The following GTF3C4 variants were observed in gnomAD, a reference collection of about 807,000 sequenced individuals.
GTF3C4 encodes the protein general transcription factor 3C polypeptide 4.
A neutral mutation model predicts 67.5 loss-of-function variants in GTF3C4; 28 were observed. The observed-to-expected ratio is 0.41, with a 90% CI of 0.31 to 0.57. GTF3C4 has a LOEUF of 0.57. GTF3C4 is among the 20% of genes least tolerant of loss of function. The pLI, the probability that GTF3C4 is intolerant of heterozygous loss-of-function variation, is 0.21. For synonymous variants in GTF3C4, 409 were observed against 393.0 expected, an observed-to-expected ratio of 1.04 and a Z score of -0.48; for missense variants, 831 against 1,033.2, an observed-to-expected ratio of 0.80 and a Z score of 2.68.
chr9:132,680,369 C>T lies in GTF3C4; in HGVS notation c.2184+566C>T, dbSNP rs141884936. On this transcript the variant is annotated intron_variant, in intron 2 of 4. Transcript: ENST00000372146. The stretch of plus-strand genomic sequence containing the variant: ...AGAATTTAAGTTGCTTAACAGAGCA[C>T]TAGGGTTCCCAGTGCATATTACCAC... Among the ~76,000 whole-genome samples, 60 of 152,292 alleles carry T rather than the reference C, an allele frequency of 3.9e-4. 1 individual carries two copies. The East Asian group carries it at 0.012, about 29-fold the overall frequency.
Position 132,670,732 on chromosome 9 carries a change from C to G in GTF3C4, c.134C>G (p.Ala45Gly). The change falls in exon 1 of 5, where the codon GCT (alanine) becomes GGT (glycine). Residue 45 changes from alanine (A) to glycine (G), a missense_variant. Around this residue, in one of 4 missense-constraint regions of GTF3C4, gnomAD observed 237 missense variants for 212.7 expected, o/e 1.11. Transcript: ENST00000372146. ...GCGGACGCGGCCCCGGGGCCCAGCG[C>G]TGCATTCCGCCTCATGGTGACTCGG... ...PAADAAPGPSAAFRLMVTRRE... is the reference protein window; with the variant it reads ...PAADAAPGPSGAFRLMVTRRE... 1 of 1,541,516 alleles carries G rather than the reference C, an allele frequency of 6.5e-7. No homozygotes were observed. The highest frequency in any genetic ancestry group is 8.7e-7 in the Non-Finnish European group (1 of 1,150,590).
At chr9:132,673,735 G>T (rs1401942668) in intron 1 of GTF3C4, among the ~76,000 whole-genome samples, 1 of 152,178 alleles carries the variant, frequency 6.6e-6, no homozygotes, top group Non-Finnish European at 1.5e-5. Flanking sequence ...CACCTTTGAA[G>T]CTTTTGCTCT....
chr9:132,670,489 G>A lies in GTF3C4; in HGVS notation c.-110G>A. 9.5e-7 allele frequency: 1 copy of A among 1,050,296 alleles called. No homozygotes were observed. The highest frequency in any genetic ancestry group is 1.3e-6 in the Non-Finnish European group (1 of 778,976). The allele number at this position is 1,050,296 out of a possible 1,614,324, so 65.1% of individuals were successfully genotyped here. A position where few individuals can be genotyped will look rare whatever the true frequency, so the allele number is the denominator to read the frequency against. On this transcript the variant is annotated 5_prime_UTR_variant, in exon 1 of 5. Coordinates refer to ENST00000372146, the MANE Select transcript of GTF3C4 (RefSeq NM_012204.4). Reference sequence around the variant, plus strand: ...CTTGGCTCGGCGGCGCTCGGGGCCTGAGGGGAGAAAACCGCCGCGGAGGGC... The same window carrying A: ...CTTGGCTCGGCGGCGCTCGGGGCCTAAGGGGAGAAAACCGCCGCGGAGGGC...
chr9:132,680,005 T>C (rs1438078738), intron 2 of GTF3C4, among the ~76,000 whole-genome samples: 1 of 152,224 alleles, frequency 6.6e-6, no homozygotes, highest in Non-Finnish European at 1.5e-5. Flanking sequence ...ATATTTTGAT[T>C]CTTCTTCACA....
intron 1 of GTF3C4, among the ~76,000 whole-genome samples, chr9:132,674,087 C>A (rs1835830684): frequency 6.6e-6 from 1 of 152,196 alleles, no homozygotes. Context: ...ACTCTATTAC[C>A]TGTCCTCAAG....
upstream of GTF3C4, chr9:132,670,130 GC>G (rs2130886042): frequency 6.3e-7 from 1 of 1,584,422 alleles, no homozygotes; most frequent in Non-Finnish European, 8.6e-7. Context: ...TACCGCGCGT[GC>G]CCCCGCCTGG....
intron 2 of GTF3C4, among the ~76,000 whole-genome samples, chr9:132,680,489 G>GT (rs1835924340): frequency 6.6e-6 from 1 of 152,318 alleles, no homozygotes; most frequent in East Asian, 1.9e-4. Flanking sequence ...CTTTCTTGCA[G>GT]CTAACAGTTG....
rs1047258220 is a variant in GTF3C4 at position 132,694,918 on chromosome 9, CTT to C, written c.*5978_*5979del. 1 of 152,280 alleles carries C rather than the reference CTT, an allele frequency of 6.6e-6. No individual in the cohort carries two copies. Among genetic ancestry groups the C allele is most frequent in the African/African-American group, 2.4e-5 (1 of 41,548 alleles). The allele number at this position is 152,280 out of a possible 1,614,324, so 9.4% of individuals were successfully genotyped here. On this transcript the variant is annotated 3_prime_UTR_variant, in exon 5 of 5. Transcript: ENST00000372146. The stretch of plus-strand genomic sequence containing the variant: ...GCCATTAGTATTGTTATTTTGGCCA[CTT>C]TTTTATTCAAAATAAATAACATAAT...
At chr9:132,670,099 C>T (rs754009793), upstream of GTF3C4, 2 of 1,566,116 alleles carry the variant, frequency 1.3e-6, no homozygotes, top group Non-Finnish European at 1.7e-6. Flanking sequence ...GACGGCGGCA[C>T]CGGGCGGGTA....
intron 2 of GTF3C4, among the ~76,000 whole-genome samples, chr9:132,683,246 C>A (rs1835975674): frequency 6.6e-6 from 1 of 152,192 alleles, no homozygotes; most frequent in African/African-American, 2.4e-5. Flanking sequence ...GTTTCAGAAG[C>A]AACTAAAACA....
rs1835804318 is a variant in GTF3C4, at chr9:132,672,785, T to TAG, written c.357+1830_357+1831insAG. 2.0e-5 allele frequency among the ~76,000 whole-genome samples: 3 copies of TAG among 152,336 alleles called. No individual in the cohort carries two copies. In the South Asian group the frequency reaches 6.2e-4, roughly 32 times the overall value. On this transcript the variant is annotated intron_variant, in intron 1 of 4. Transcript: ENST00000372146. ...TGGGCTTTGGCACAAGATAGGCCTA[T>TAG]CTATAAAAGGGGGATAATGAAGCGT...
Position 132,678,004 on chromosome 9 carries a change from T to C in GTF3C4, c.385T>C (p.Cys129Arg). The change falls in exon 2 of 5, where the codon TGC (cysteine) becomes CGC (arginine). Residue 129 changes from cysteine (C) to arginine (R), a missense_variant. Cys to Arg is a radical substitution (Grantham distance 180). Coordinates refer to ENST00000372146, the MANE Select transcript of GTF3C4 (RefSeq NM_012204.4). The surrounding 1 kb of genome is among the most constrained non-coding windows in gnomAD (Gnocchi z 6.5). ...KVGSKTEVAE[C>R]KEKFAASKDP... is the part of the protein sequence containing the mutation. ...TGGCTCAAAAACAGAAGTTGCTGAG[T>C]GCAAGGAGAAATTCGCCGCCTCCAA... The C allele has an allele frequency of 6.2e-7, 1 of 1,611,634 alleles. No individual in the cohort carries two copies. The highest frequency in any genetic ancestry group is 8.5e-7 in the Non-Finnish European group (1 of 1,178,976).
chr9:132,675,708 T>C (rs370867282), intron 1 of GTF3C4, among the ~76,000 whole-genome samples: 6 of 152,248 alleles, frequency 3.9e-5, no homozygotes, highest in African/African-American at 1.4e-4. Context: ...CAAAGCTTGT[T>C]TGGCCATAGA....
chr9:132,685,714 TGTA>T lies in GTF3C4; in HGVS notation c.2316-1521_2316-1519del, dbSNP rs1395008997. On this transcript the variant is annotated intron_variant, in intron 3 of 4. Coordinates refer to ENST00000372146, the MANE Select transcript of GTF3C4 (RefSeq NM_012204.4). Reference sequence around the variant, plus strand: ...AAGAGAAAAGAATAGGAAATAAGCTTGTAGTATATTTTAGGTTAGTAATAAAAA... The same window carrying T: ...AAGAGAAAAGAATAGGAAATAAGCTTGTATATTTTAGGTTAGTAATAAAAA... Among the ~76,000 whole-genome samples the T allele has an allele frequency of 2.0e-5, 3 of 152,232 alleles. No homozygotes were observed. The East Asian group carries it at 5.8e-4, about 29-fold the overall frequency.
chr9:132,686,174 T>C (rs1836024732), intron 3 of GTF3C4, among the ~76,000 whole-genome samples: 1 of 152,250 alleles, frequency 6.6e-6, no homozygotes, highest in African/African-American at 2.4e-5. Flanking sequence ...GTCACAATGG[T>C]GGCTTGTGGC....
chr9:132,681,754 A>G (rs1344710772), intron 2 of GTF3C4, among the ~76,000 whole-genome samples: 1 of 152,180 alleles, frequency 6.6e-6, no homozygotes, highest in Non-Finnish European at 1.5e-5. Context: ...GTGAGTCAGA[A>G]TAACACAGTT....
intron 4 of GTF3C4, among the ~76,000 whole-genome samples, chr9:132,687,680 A>G (rs1455655187): frequency 6.6e-6 from 1 of 152,214 alleles, no homozygotes; most frequent in Non-Finnish European, 1.5e-5. Flanking sequence ...TCTGTGGATG[A>G]TACTTTATAC....
chr9:132,683,443 G>A, intron 2 of GTF3C4, 120 bp from the exon 3 acceptor site: 5 of 855,398 alleles, frequency 5.8e-6, no homozygotes, highest in Non-Finnish European at 9.0e-6. Flanking sequence ...CCTGTCTTCT[G>A]TAAAATATTG....
intron 2 of GTF3C4, 98 bp from the exon 3 acceptor site, chr9:132,683,465 T>C: frequency 1.8e-6 from 2 of 1,106,020 alleles, no homozygotes; most frequent in Non-Finnish European, 1.3e-6. Flanking sequence ...TCTTTTCTTT[T>C]TTTCTTTATT....
Sources: allele counts gnomAD v4.1 joint callset (sites outside exome capture counted in the v4.1 genomes callset), GRCh38; gene constraint gnomAD v4.1.1; regional missense constraint gnomAD v4.1.1; non-coding constraint Gnocchi (gnomAD v3.1); transcripts MANE v1.5; gene names NCBI Gene and HGNC (gene_info 2026-07-23, HGNC 2026-07-21).